Variants in REXO1 observed in about 807,000 individuals in gnomAD.
The protein encoded by REXO1 is RNA exonuclease 1 homolog, also known as REX1, RNA exonuclease 1 homolog.
Under a neutral mutation model 102.6 loss-of-function variants are expected in REXO1, and 42 were observed. The ratio of observed to expected loss-of-function variants is 0.41; its 90% CI spans 0.32 to 0.53. The LOEUF is 0.53. Among genes scored for constraint, REXO1 ranks in the 20% least tolerant of loss-of-function variants. The pLI, the probability that REXO1 is intolerant of heterozygous loss-of-function variation, is 0.27. For synonymous variants in REXO1, 908 were observed against 779.1 expected (o/e 1.17, Z -2.76); for missense variants, 1,819 against 1,732.5 (o/e 1.05, Z -0.89).
At chr19:1,824,257 A>C (rs1313261707) in intron 3 of REXO1, 3 of 153,388 alleles carry the variant, frequency 2.0e-5, no homozygotes, top group African/African-American at 7.2e-5. Flanking sequence ...TACAGAGGAC[A>C]CTGGAGCTCA....
Position 1,825,845 on chromosome 19 carries a change from G to A in REXO1, c.2010C>T (p.Gly670=), listed in dbSNP as rs1456898982. ...TGGCCTCTGCGGACCTTACCTCCTG[G>A]CCTTGCTTGGAAAGGTGGGAGATCC... The part of the protein sequence containing the change: ...KRRISHLSKQ[G]QEVEPPRRGP... Residue 670 remains glycine, a synonymous_variant, in exon 3 of 16, where the codon GGC becomes GGT. Transcript: ENST00000170168. 4 of 1,608,472 alleles carry A rather than the reference G, an allele frequency of 2.5e-6. No homozygotes were observed. The highest frequency in any genetic ancestry group is 3.3e-5 in the Admixed American group (2 of 59,912).
chr19:1,831,520 C>A (rs2069900709), intron 1 of REXO1, among the ~76,000 whole-genome samples: 1 of 152,114 alleles, frequency 6.6e-6, no homozygotes, highest in Non-Finnish European at 1.5e-5. Context: ...ACCCACACCC[C>A]CTCAAGCCCC....
At chr19:1,832,975 A>AT (rs1226549896) in intron 1 of REXO1, among the ~76,000 whole-genome samples, 1 of 151,830 alleles carries the variant, frequency 6.6e-6, no homozygotes, top group Non-Finnish European at 1.5e-5. Context: ...CACGCCTGTA[A>AT]TCCCAGCACT....
chr19:1,823,025 T>C (rs928726247), intron 4 of REXO1: 1 of 152,872 alleles, frequency 6.5e-6, no homozygotes, highest in Admixed American at 6.5e-5. Flanking sequence ...ACACCACTGA[T>C]GTGAAGACGC....
intron 11 of REXO1, 155 bp from the exon 12 acceptor site, chr19:1,817,484 T>C: frequency 1.4e-6 from 2 of 1,473,694 alleles, no homozygotes; most frequent in Non-Finnish European, 1.8e-6. Flanking sequence ...GGAAGGGGGC[T>C]TGCCAAGAAG....
At chr19:1,834,930 C>T in intron 1 of REXO1, 1 of 421,564 alleles carries the variant, frequency 2.4e-6, no homozygotes, top group Non-Finnish European at 4.9e-6. Flanking sequence ...TCACTGGGCT[C>T]CCCCACCCTG....
intron 4 of REXO1, 111 bp downstream of exon 4, chr19:1,823,461 C>T: frequency 2.6e-6 from 2 of 768,814 alleles, no homozygotes; most frequent in Non-Finnish European, 1.8e-6. Flanking sequence ...CCAAAGTCAT[C>T]CCATGAGCAA....
At position 1,820,209 on chromosome 19, in the gene REXO1, A is replaced by G. The variant is rs1266845978; in HGVS notation, c.2526+55T>C. 12 of 1,580,334 alleles carry G rather than the reference A, an allele frequency of 7.6e-6. No individual in the cohort carries two copies. In the East Asian group the frequency reaches 2.3e-4, roughly 30 times the overall value. ...AGAGGCCGGGGGATGTCTGGGGACC[A>G]CCCTGGACCCCTAGTCCCCACCCGA... On this transcript the variant is annotated intron_variant, in intron 6 of 15. Coordinates refer to ENST00000170168, the MANE Select transcript of REXO1 (RefSeq NM_020695.4).
At chr19:1,831,493 C>T (rs2069899917) in intron 1 of REXO1, among the ~76,000 whole-genome samples, 1 of 152,112 alleles carries the variant, frequency 6.6e-6, no homozygotes, top group Admixed American at 6.6e-5. Flanking sequence ...GAACTGGAGG[C>T]TTCCCCTATG....
intron 1 of REXO1, among the ~76,000 whole-genome samples, chr19:1,847,996 A>C (rs1342880359): frequency 6.6e-6 from 1 of 151,900 alleles, no homozygotes; most frequent in Non-Finnish European, 1.5e-5. Context: ...GACATTTCAC[A>C]CTCGTGAAGA....
intron 10 of REXO1, 53 bp from the exon 11 acceptor site, chr19:1,817,833 C>G: frequency 6.8e-7 from 1 of 1,471,712 alleles, no homozygotes; most frequent in Admixed American, 1.8e-5. Flanking sequence ...ACTCCACAGC[C>G]CCCGGGGCAC....
Position 1,824,046 on chromosome 19 carries a change from CG to C in REXO1, c.2017-262del, listed in dbSNP as rs201476049. ...TCAGCCCTGATAAGGCACGGGTGGG[CG>C]GGACTACCCCGATTACACTGGCACT... is the stretch of plus-strand genomic sequence containing the variant. On this transcript the variant is annotated intron_variant, in intron 3 of 15. Coordinates refer to ENST00000170168, the MANE Select transcript of REXO1 (RefSeq NM_020695.4). 3.7e-3 allele frequency: 1,397 copies of C among 378,674 alleles called. 17 individuals carry two copies. Among genetic ancestry groups the C allele is most frequent in the African/African-American group, 0.025 (1,214 of 48,232 alleles). 23.5% of individuals were successfully genotyped at this position (378,674 alleles called of 1,614,324 possible).
chr19:1,832,238 C>T (rs181830416), intron 1 of REXO1, among the ~76,000 whole-genome samples: 294 of 152,332 alleles, frequency 1.9e-3, no homozygotes, highest in Non-Finnish European at 3.2e-3. Context: ...TGACTCTCCC[C>T]GGAAGCCTTC....
Position 1,817,177 on chromosome 19 carries a change from T to G in REXO1, c.3201+42A>C. 3 of 1,600,850 alleles carry G rather than the reference T, an allele frequency of 1.9e-6. No homozygotes were observed. In the African/African-American group the frequency reaches 4.0e-5, roughly 21 times the overall value. ...GGGGCGGCCGCACCAGGCCAGGTCC[T>G]CCCCAATCCTGAACCCGACGCTGGG... On this transcript the variant is annotated intron_variant, in intron 12 of 15. Coordinates refer to ENST00000170168, the MANE Select transcript of REXO1 (RefSeq NM_020695.4).
chr19:1,847,607 G>A (rs185873971), intron 1 of REXO1, among the ~76,000 whole-genome samples: 1 of 152,172 alleles, frequency 6.6e-6, no homozygotes, highest in Non-Finnish European at 1.5e-5. Flanking sequence ...AACGTCCTCT[G>A]CCCGACCAAA....
Position 1,832,587 on chromosome 19 carries a change from GGCACGGTGGCTCACGCCTGTCATCCCA to G in REXO1, c.158-3983_158-3957del, listed in dbSNP as rs369581080. Among the ~76,000 whole-genome samples the G allele has an allele frequency of 2.8e-3, 431 of 152,126 alleles. 12 individuals are homozygous for G. The East Asian group carries it at 0.074, about 26-fold the overall frequency. ...TCTTTAAAATTACATTTAGGGACCA[GGCACGGTGGCTCACGCCTGTCATCCCA>G]GCACGGTGGCTCACGCCTGTCATCC... On this transcript the variant is annotated intron_variant, in intron 1 of 15. Transcript: ENST00000170168.
rs2069618483 is a variant in REXO1 at position 1,823,684 on chromosome 19, C to T, written c.2118G>A (p.Ala706=). 5 of 1,288,004 alleles carry T rather than the reference C, an allele frequency of 3.9e-6. No individual in the cohort carries two copies. The highest frequency in any genetic ancestry group is 4.0e-6 in the Non-Finnish European group (4 of 1,009,848). 79.8% of individuals were successfully genotyped at this position (1,288,004 alleles called of 1,614,324 possible). ...LRAQQAQRAS[A]SLLQAPARLA... ...GCCTGGCGGGGGCCTGCAGCAAGCT[C>T]GCCGATGCCCTCTGCGCCTGCTGGG... Residue 706 remains alanine, a synonymous_variant, in exon 4 of 16, where the codon GCG becomes GCA. Coordinates refer to ENST00000170168, the MANE Select transcript of REXO1 (RefSeq NM_020695.4).
intron 1 of REXO1, among the ~76,000 whole-genome samples, chr19:1,840,305 C>T (rs1175663308): frequency 1.3e-5 from 2 of 152,128 alleles, no homozygotes; most frequent in African/African-American, 4.8e-5. Context: ...CCCAGAGGCA[C>T]GGGCCCCTCC....
At position 1,827,161 on chromosome 19, in the gene REXO1, A is replaced by C. The variant is rs1201325173; in HGVS notation, c.1628T>G (p.Leu543Arg). The C allele has an allele frequency of 6.5e-7, 1 of 1,541,318 alleles. No homozygotes were observed. Among genetic ancestry groups the C allele is most frequent in the South Asian group, 1.2e-5 (1 of 84,020 alleles). ...GTCTGAGTCCGAGCTGAGGCTGGGG[A>C]GGGCAGAGGGCCACACGCTCGGCAC... ...PGVPSVWPSA[L>R]PSLSSDSDSD... Residue 543 changes from leucine to arginine, a missense_variant, in exon 2 of 16, where the codon CTC becomes CGC. Leu to Arg is a moderately radical substitution (Grantham distance 102, BLOSUM62 -2). Coordinates refer to ENST00000170168, the MANE Select transcript of REXO1 (RefSeq NM_020695.4).
Sources: gnomAD v4.1 joint callset for allele counts (sites outside exome capture counted in the v4.1 genomes callset) on GRCh38, gnomAD v4.1.1 for gene constraint, MANE v1.5 for transcripts, NCBI Gene and HGNC (gene_info 2026-07-23, HGNC 2026-07-21) for gene names.